Variants in SPATA16 observed in about 807,000 individuals in gnomAD.
SPATA16 encodes the protein spermatogenesis-associated protein 16.
Under a neutral mutation model 63.3 loss-of-function variants are expected in SPATA16, and 36 were observed. The observed-to-expected ratio is 0.57, with a 90% CI of 0.44 to 0.75. SPATA16 has a LOEUF of 0.75. Ranked by LOEUF, SPATA16 falls within the 30% of genes least tolerant of loss-of-function variation. The pLI, the probability that SPATA16 is intolerant of heterozygous loss-of-function variation, is 0.00. For missense variants in SPATA16, 646 were observed against 679.3 expected (o/e 0.95, Z 0.54); for synonymous variants, 203 against 216.7 (o/e 0.94, Z 0.56).
chr3:173,113,763 A>G (rs1404756612), intron 2 of SPATA16, among the ~76,000 whole-genome samples: 1 of 152,222 alleles, frequency 6.6e-6, no homozygotes, highest in Non-Finnish European at 1.5e-5. Flanking sequence ...AAATATTTAA[A>G]TGCCTCCAGG....
rs547570939 is a variant in SPATA16, at chr3:173,010,690, A to C, written c.848+8796T>G. On this transcript the variant is annotated intron_variant, in intron 4 of 10. Transcript: ENST00000351008. ...CTTCCCAAACGGATCTTGGGGTCTTATGGCTTCCAGTGCACCCACCCAGCC... is the reference window on the plus strand; with the variant it reads ...CTTCCCAAACGGATCTTGGGGTCTTCTGGCTTCCAGTGCACCCACCCAGCC... 1.1e-3 allele frequency among the ~76,000 whole-genome samples: 174 copies of C among 152,000 alleles called. 1 individual carries two copies. The highest frequency in any genetic ancestry group is 4.1e-3 in the African/African-American group (170 of 41,438).
intron 2 of SPATA16, among the ~76,000 whole-genome samples, chr3:173,107,309 C>T (rs1737642804): frequency 1.3e-5 from 2 of 152,100 alleles, no homozygotes; most frequent in Admixed American, 6.5e-5. Flanking sequence ...ACCCAAACAA[C>T]ACTCTAGAAG....
rs546788418 is a variant in SPATA16 at position 172,916,491 on chromosome 3, A to C, written c.1339-10T>G. On this transcript the variant is annotated splice_polypyrimidine_tract_variant and intron_variant, in intron 8 of 10. Coordinates refer to ENST00000351008, the MANE Select transcript of SPATA16 (RefSeq NM_031955.6). ...ATGCAGGAAAACTCCCCTAGTCTCA[A>C]AGTAAAAGAAATGTTTTAGAACAAA... The C allele has an allele frequency of 1.2e-6, 2 of 1,613,406 alleles. No individual in the cohort carries two copies. Among genetic ancestry groups the C allele is most frequent in the East Asian group, 2.2e-5 (1 of 44,888 alleles).
intron 10 of SPATA16, among the ~76,000 whole-genome samples, chr3:172,907,931 A>G (rs533712256): frequency 1.3e-3 from 199 of 152,208 alleles, no homozygotes; most frequent in Non-Finnish European, 1.9e-3. Flanking sequence ...TTTTCACCAG[A>G]TATTTGCATG....
At chr3:173,018,409 GGA>G (rs564996596) in intron 4 of SPATA16, among the ~76,000 whole-genome samples, 151 of 151,828 alleles carry the variant, frequency 9.9e-4, no homozygotes, top group African/African-American at 3.5e-3. Flanking sequence ...TGACTAGCTG[GGA>G]TTACAGGCAT....
intron 4 of SPATA16, among the ~76,000 whole-genome samples, chr3:172,984,078 A>C (rs2108256395): frequency 6.6e-6 from 1 of 152,050 alleles, no homozygotes; most frequent in South Asian, 2.1e-4. Flanking sequence ...TGTGCTGTCC[A>C]ATATGGGAAC....
chr3:173,136,153 A>G (rs567745765), intron 1 of SPATA16, among the ~76,000 whole-genome samples: 62 of 152,304 alleles, frequency 4.1e-4, no homozygotes, highest in African/African-American at 1.4e-3. Context: ...CACAAAACAA[A>G]TGAAATGCAG....
chr3:173,041,772 AAG>A (rs745659736), intron 3 of SPATA16, among the ~76,000 whole-genome samples: 3 of 151,700 alleles, frequency 2.0e-5, no homozygotes, highest in Admixed American at 6.6e-5. Flanking sequence ...TCTGGTAAAG[AAG>A]AGAGGGGAAC....
rs1553780512 is a variant in SPATA16 at position 172,916,235 on chromosome 3, T to TG, written c.1503+81_1503+82insC. Reference sequence around the variant, plus strand: ...GGCTACATTTATTACCACAGGATTTTTTTTTTTTTTTTTCCCCAGACCATA... The same window carrying TG: ...GGCTACATTTATTACCACAGGATTTTGTTTTTTTTTTTTTCCCCAGACCATA... On this transcript the variant is annotated intron_variant, in intron 9 of 10. Coordinates refer to ENST00000351008, the MANE Select transcript of SPATA16 (RefSeq NM_031955.6). 1,143 of 1,425,798 alleles carry TG rather than the reference T, an allele frequency of 8.0e-4. 2 individuals carry two copies. Among genetic ancestry groups the TG allele is most frequent in the Non-Finnish European group, 1.0e-3 (1,042 of 1,033,532 alleles). 88.3% of individuals were successfully genotyped at this position (1,425,798 alleles called of 1,614,324 possible). A position where few individuals can be genotyped will look rare whatever the true frequency, so the allele number is the denominator to read the frequency against.
intron 3 of SPATA16, among the ~76,000 whole-genome samples, chr3:173,046,719 A>G (rs559135563): frequency 6.6e-6 from 1 of 152,158 alleles, no homozygotes; most frequent in East Asian, 1.9e-4. Flanking sequence ...TAGAGTAAAT[A>G]TCCTAATTAA....
intron 1 of SPATA16, among the ~76,000 whole-genome samples, chr3:173,135,608 A>G (rs1738524630): frequency 6.6e-6 from 1 of 152,248 alleles, no homozygotes; most frequent in Non-Finnish European, 1.5e-5. Context: ...AGCAGTGAGA[A>G]TAAAGGAACT....
chr3:173,064,725 G>A (rs1318647391), intron 2 of SPATA16, among the ~76,000 whole-genome samples: 3 of 152,134 alleles, frequency 2.0e-5, no homozygotes, highest in Non-Finnish European at 4.4e-5. Context: ...AACTGTGCAA[G>A]CATATTAAAA....
At chr3:173,033,808 G>A (rs1384895876) in intron 3 of SPATA16, among the ~76,000 whole-genome samples, 5 of 152,080 alleles carry the variant, frequency 3.3e-5, no homozygotes, top group Admixed American at 3.3e-4. Flanking sequence ...AAGTTCAAGC[G>A]ATTCTCCTGC....
rs182674441 is a variant in SPATA16 at position 172,907,061 on chromosome 3, C to G, written c.1587+6600G>C. Among the ~76,000 whole-genome samples, 3 of 152,114 alleles carry G rather than the reference C, an allele frequency of 2.0e-5. No individual in the cohort carries two copies. The East Asian group carries it at 5.8e-4, about 29-fold the overall frequency. ...TTAAGAGCTCAGAAAATATTAACTC[C>G]TATCCTTTCGTTTGATGATCTGACT... On this transcript the variant is annotated intron_variant, in intron 10 of 10. Coordinates refer to ENST00000351008, the MANE Select transcript of SPATA16 (RefSeq NM_031955.6).
intron 6 of SPATA16, among the ~76,000 whole-genome samples, chr3:172,951,778 CAG>C (rs1733440240): frequency 1.3e-5 from 2 of 152,124 alleles, no homozygotes; most frequent in South Asian, 4.2e-4. Context: ...TAAAGTTGGG[CAG>C]AGTTTCTGAG....
At chr3:173,119,256 T>C (rs1296084108) in intron 1 of SPATA16, among the ~76,000 whole-genome samples, 2 of 152,148 alleles carry the variant, frequency 1.3e-5, no homozygotes, top group African/African-American at 2.4e-5. Context: ...GAAACCACCA[T>C]GGCACATGTA....
intron 5 of SPATA16, among the ~76,000 whole-genome samples, chr3:172,965,599 C>T (rs1733899225): frequency 6.6e-6 from 1 of 151,996 alleles, no homozygotes; most frequent in South Asian, 2.1e-4. Flanking sequence ...TTCAGCTTTG[C>T]CTGGCAATCA....
At chr3:173,065,532 A>G (rs1736498575) in intron 2 of SPATA16, among the ~76,000 whole-genome samples, 1 of 152,244 alleles carries the variant, frequency 6.6e-6, no homozygotes, top group Non-Finnish European at 1.5e-5. Flanking sequence ...CACTTTCATA[A>G]GAACCAAAAA....
At chr3:173,056,705 C>CAAAAAAAAAAAAAAA (rs71162325) in intron 2 of SPATA16, among the ~76,000 whole-genome samples, 16 of 73,600 alleles carry the variant, frequency 2.2e-4, no homozygotes, top group African/African-American at 8.4e-4. Flanking sequence ...ACTCTTGTTT[C>CAAAAAAAAAAAAAAA]AAAAAAAAAA....
Sources: allele counts gnomAD v4.1 joint callset (sites outside exome capture counted in the v4.1 genomes callset), GRCh38; gene constraint gnomAD v4.1.1; transcripts MANE v1.5; gene names NCBI Gene and HGNC (gene_info 2026-07-23, HGNC 2026-07-21).